CPNE8: variants seen among roughly 807,000 people sequenced by gnomAD.
CPNE8 encodes the protein copine 8.
A neutral mutation model predicts 81.5 loss-of-function variants in CPNE8; 45 were observed. The observed-to-expected ratio is 0.55, with a 90% CI of 0.44 to 0.71. The LOEUF (loss-of-function observed/expected upper bound fraction) is 0.71. CPNE8 is among the 30% of genes least tolerant of loss of function. The probability of loss-of-function intolerance (pLI) is 0.00; values close to 1 mark genes in which losing one functional copy is unlikely to be tolerated. For missense variants in CPNE8, 594 were observed against 672.1 expected (o/e 0.88, Z 1.28); for synonymous variants, 252 against 226.3 (o/e 1.11, Z -1.02).
At chr12:38,669,678 T>G (rs960802990) in intron 19 of CPNE8, among the ~76,000 whole-genome samples, 1 of 151,998 alleles carries the variant, frequency 6.6e-6, no homozygotes, top group African/African-American at 2.4e-5. Flanking sequence ...GAGCAGACAG[T>G]AAAACACAGA....
chr12:38,846,817 C>A (rs1038582727), intron 4 of CPNE8, among the ~76,000 whole-genome samples: 4 of 151,968 alleles, frequency 2.6e-5, no homozygotes, highest in Non-Finnish European at 4.4e-5. Flanking sequence ...AGATTTGCAT[C>A]CAAGGAAACT....
chr12:38,687,270 C>A (rs1233916363), intron 15 of CPNE8, among the ~76,000 whole-genome samples: 1 of 151,348 alleles, frequency 6.6e-6, no homozygotes, highest in African/African-American at 2.4e-5. Flanking sequence ...TCTAAGGTCA[C>A]ACAACACGAA....
At chr12:38,802,800 C>T (rs1196868085) in intron 6 of CPNE8, among the ~76,000 whole-genome samples, 191 of 138,698 alleles carry the variant, frequency 1.4e-3, no homozygotes, top group African/African-American at 4.9e-3. Context: ...ATCAAATAGA[C>T]ACAATAAAAA....
At chr12:38,895,561 A>G (rs1592161951) in intron 1 of CPNE8, among the ~76,000 whole-genome samples, 1 of 152,086 alleles carries the variant, frequency 6.6e-6, no homozygotes, top group East Asian at 1.9e-4. Context: ...ATAAGAATCA[A>G]TACTGGAAAT....
rs1256478509 is a variant in CPNE8, at chr12:38,702,885, T to C, written c.951A>G (p.Thr317=). 1.3e-6 allele frequency: 2 copies of C among 1,563,342 alleles called. No individual in the cohort carries two copies. The highest frequency in any genetic ancestry group is 1.2e-5 in the South Asian group (1 of 82,460). The change falls in exon 14 of 20, where the codon ACA becomes ACG. Residue 317 remains threonine, a synonymous_variant. Coordinates refer to ENST00000331366, the MANE Select transcript of CPNE8 (RefSeq NM_153634.3). ...QINFTVAIDF[T]ASNGNPAQPT... is the part of the protein sequence containing the mutation. ...AATCAAAACACTCACCGTTTGATGC[T>C]GTAAAATCAATAGCCACTGTGAAAT... is the stretch of plus-strand genomic sequence containing the variant.
At position 38,902,407 on chromosome 12, in the gene CPNE8, GAAAGAAAGAAAAAGAAAGAAAGAA is replaced by G. The variant is rs1565670378; in HGVS notation, c.98+3006_98+3029del. Among the ~76,000 whole-genome samples, 27 of 139,550 alleles carry G rather than the reference GAAAGAAAGAAAAAGAAAGAAAGAA, an allele frequency of 1.9e-4. 4 individuals carry two copies. Among genetic ancestry groups the G allele is most frequent in the African/African-American group, 7.9e-4 (26 of 32,894 alleles). 91.6% of individuals were successfully genotyped at this position (139,550 alleles called of 152,430 possible). A position where few individuals can be genotyped will look rare whatever the true frequency, so the allele number is the denominator to read the frequency against. On this transcript the variant is annotated intron_variant, in intron 1 of 19. Coordinates refer to ENST00000331366, the MANE Select transcript of CPNE8 (RefSeq NM_153634.3). ...AAAGAAAGAAAGAGAAAGAAAGAAA[GAAAGAAAGAAAAAGAAAGAAAGAA>G]AGAAAGGAGAGAGAGAAAGAAAGAT...
rs377759475 is a variant in CPNE8, at chr12:38,698,663, C to T, written c.961+4212G>A. 9.8e-5 allele frequency among the ~76,000 whole-genome samples: 15 copies of T among 152,298 alleles called. No individual in the cohort carries two copies. In the East Asian group the frequency reaches 1.9e-3, roughly 20 times the overall value. On this transcript the variant is annotated intron_variant, in intron 14 of 19. Transcript: ENST00000331366. ...CCATTTGCTAAGACCAGTCTTCCCCCGTTGCATTGTTTTGGTATTCTTCTT... is the reference window on the plus strand; with the variant it reads ...CCATTTGCTAAGACCAGTCTTCCCCTGTTGCATTGTTTTGGTATTCTTCTT...
chr12:38,875,257 A>C (rs1187332284), intron 1 of CPNE8, among the ~76,000 whole-genome samples: 1 of 152,140 alleles, frequency 6.6e-6, no homozygotes, highest in Non-Finnish European at 1.5e-5. Flanking sequence ...AACCCTGAGT[A>C]CTCATTAAAA....
At chr12:38,749,911 C>T (rs895161623) in intron 10 of CPNE8, among the ~76,000 whole-genome samples, 38 of 152,112 alleles carry the variant, frequency 2.5e-4, no homozygotes, top group African/African-American at 7.5e-4. Flanking sequence ...AGGAGCCAAA[C>T]GTTAATCCCC....
intron 3 of CPNE8, among the ~76,000 whole-genome samples, chr12:38,853,759 A>G (rs978857707): frequency 6.6e-6 from 1 of 152,136 alleles, no homozygotes; most frequent in Admixed American, 6.5e-5. Flanking sequence ...AAAATGATAG[A>G]ATAGAAATAC....
chr12:38,824,767 G>T (rs1204188116), intron 6 of CPNE8, among the ~76,000 whole-genome samples: 1 of 152,140 alleles, frequency 6.6e-6, no homozygotes, highest in Non-Finnish European at 1.5e-5. Flanking sequence ...CAAGTGGACT[G>T]TCTGCCTCAG....
intron 1 of CPNE8, among the ~76,000 whole-genome samples, chr12:38,902,356 G>GAAATA (rs748176112): frequency 1.7e-5 from 1 of 59,096 alleles, no homozygotes; most frequent in Non-Finnish European, 2.9e-5. Context: ...AAGAAAGAAA[G>GAAATA]AAAGAAAGAA....
In CPNE8 at chr12:38,790,554, T is replaced by A. The variant is rs148697846; in HGVS notation, c.408-14253A>T. Among the ~76,000 whole-genome samples the A allele has an allele frequency of 8.6e-5, 13 of 151,810 alleles. No individual in the cohort carries two copies. The East Asian group carries it at 2.5e-3, about 29-fold the overall frequency. ...GTATTTGATAGCACAGCAGGATGAC[T>A]CTAGTCAATAATAATTTAATTGTAT... On this transcript the variant is annotated intron_variant, in intron 6 of 19. Transcript: ENST00000331366.
At chr12:38,839,874 A>G (rs1175916758) in intron 5 of CPNE8, 42 bp downstream of exon 5, 1 of 1,483,358 alleles carries the variant, frequency 6.7e-7, no homozygotes, top group Non-Finnish European at 9.1e-7. Flanking sequence ...AGTACTAATC[A>G]TTGTATTATA....
intron 15 of CPNE8, among the ~76,000 whole-genome samples, chr12:38,692,888 G>T (rs1031738374): frequency 1.3e-5 from 2 of 152,112 alleles, no homozygotes; most frequent in Admixed American, 6.6e-5. Context: ...ATAACATTTT[G>T]GGACTTCTAA....
intron 6 of CPNE8, among the ~76,000 whole-genome samples, chr12:38,805,332 T>TA (rs1196840650): frequency 5.6e-5 from 1 of 17,802 alleles, no homozygotes; most frequent in Non-Finnish European, 1.2e-4. Flanking sequence ...TATGCAGCCA[T>TA]AAAAAATGAT....
intron 3 of CPNE8, among the ~76,000 whole-genome samples, chr12:38,860,477 C>T (rs546700339): frequency 1.3e-5 from 2 of 149,488 alleles, no homozygotes; most frequent in South Asian, 4.2e-4. Flanking sequence ...TAAAATGGTG[C>T]AGCCACTATG....
intron 7 of CPNE8, among the ~76,000 whole-genome samples, chr12:38,772,167 C>G (rs1392353448): frequency 6.6e-6 from 1 of 152,190 alleles, no homozygotes; most frequent in African/African-American, 2.4e-5. Context: ...TCCACTTTCA[C>G]TTTCTCTGCC....
At chr12:38,878,372 T>G (rs1944097885) in intron 1 of CPNE8, among the ~76,000 whole-genome samples, 1 of 152,090 alleles carries the variant, frequency 6.6e-6, no homozygotes, top group Non-Finnish European at 1.5e-5. Context: ...GAAATGTAAA[T>G]TAAAAAGTAG....
Sources: allele counts gnomAD v4.1 joint callset (sites outside exome capture counted in the v4.1 genomes callset), GRCh38; gene constraint gnomAD v4.1.1; transcripts MANE v1.5; gene names NCBI Gene and HGNC (gene_info 2026-07-23, HGNC 2026-07-21).